The following KIAA1217 variants were observed in gnomAD, a reference collection of about 807,000 sequenced individuals.
KIAA1217 encodes the protein KIAA1217, also known as sickle tail protein homolog.
Under a neutral mutation model 163.9 loss-of-function variants are expected in KIAA1217, and 88 were observed. The ratio of observed to expected loss-of-function variants is 0.54; its 90% CI spans 0.45 to 0.64. The LOEUF (loss-of-function observed/expected upper bound fraction) is 0.64, where lower values mean the gene tolerates loss of function less well. Among genes scored for constraint, KIAA1217 ranks in the 30% least tolerant of loss-of-function variants. The pLI, the probability that KIAA1217 is intolerant of heterozygous loss-of-function variation, is 0.00. For missense variants in KIAA1217, 2,372 were observed against 2,475.0 expected (o/e 0.96, Z 0.88); for synonymous variants, 903 against 923.1 (o/e 0.98, Z 0.39).
chr10:23,748,934 C>A (rs1483824314), intron 1 of KIAA1217, among the ~76,000 whole-genome samples: 2 of 152,168 alleles, frequency 1.3e-5, no homozygotes, highest in African/African-American at 4.8e-5. Context: ...TTTTTGGTCT[C>A]TTGACTTCCT....
At chr10:24,491,772 A>G (rs2066180419) in intron 6 of KIAA1217, among the ~76,000 whole-genome samples, 1 of 152,162 alleles carries the variant, frequency 6.6e-6, no homozygotes, top group Non-Finnish European at 1.5e-5. Flanking sequence ...TAGTCTCTAC[A>G]TAAATGAGAC....
chr10:24,506,879 G>A (rs999013027), intron 9 of KIAA1217, among the ~76,000 whole-genome samples: 3 of 152,184 alleles, frequency 2.0e-5, no homozygotes, highest in African/African-American at 7.2e-5. Flanking sequence ...TGCAGAGAAA[G>A]AAGTACATCA....
At position 23,852,561 on chromosome 10, in the gene KIAA1217, G is replaced by GGT. The variant is rs1451381301; in HGVS notation, c.-320-154663_-320-154662dup. Among the ~76,000 whole-genome samples the GGT allele has an allele frequency of 7.2e-5, 11 of 152,168 alleles. 1 individual carries two copies. Among genetic ancestry groups the GGT allele is most frequent in the Admixed American group, 7.2e-4 (11 of 15,270 alleles). On this transcript the variant is annotated intron_variant, in intron 1 of 18. Coordinates refer to the KIAA1217 transcript ENST00000376462. The stretch of plus-strand genomic sequence containing the variant: ...TTCCAATTCTGTGAAGAAAGCCATT[G>GGT]GTAGCTTGATGGGGATGCCATTGAA...
intron 2 of KIAA1217, among the ~76,000 whole-genome samples, chr10:24,259,269 C>A (rs1198998238): frequency 1.3e-5 from 2 of 152,052 alleles, no homozygotes; most frequent in Non-Finnish European, 2.9e-5. Flanking sequence ...CTAACTGAAA[C>A]CATGTTTGCC....
At chr10:24,437,158 G>A (rs934967458) in intron 4 of KIAA1217, among the ~76,000 whole-genome samples, 2 of 151,898 alleles carry the variant, frequency 1.3e-5, no homozygotes, top group African/African-American at 2.4e-5. Flanking sequence ...TCACGTCCTC[G>A]CCTGTGACTC....
chr10:24,339,126 C>A lies in KIAA1217; in HGVS notation c.355-41743C>A, dbSNP rs561545200. 5.3e-5 allele frequency among the ~76,000 whole-genome samples: 8 copies of A among 152,294 alleles called. No individual in the cohort carries two copies. In the South Asian group the frequency reaches 1.7e-3, roughly 32 times the overall value. On this transcript the variant is annotated intron_variant, in intron 2 of 20. Transcript: ENST00000376454. ...GATAGGTTTCTGGTATACATAGTAGCTCCCCCAAAAATGATCTCCCCCGTT... is the reference window on the plus strand; with the variant it reads ...GATAGGTTTCTGGTATACATAGTAGATCCCCCAAAAATGATCTCCCCCGTT...
intron 1 of KIAA1217, among the ~76,000 whole-genome samples, chr10:23,777,846 G>T (rs906280860): frequency 6.6e-6 from 1 of 152,200 alleles, no homozygotes; most frequent in African/African-American, 2.4e-5. Flanking sequence ...TGTCATCCTT[G>T]TAGGGGTGGA....
intron 2 of KIAA1217, among the ~76,000 whole-genome samples, chr10:24,289,545 T>G (rs1233310680): frequency 1.3e-5 from 2 of 151,942 alleles, no homozygotes; most frequent in South Asian, 2.1e-4. Flanking sequence ...GAGGAGGAAG[T>G]TGTAGAAGGT....
intron 2 of KIAA1217, among the ~76,000 whole-genome samples, chr10:24,030,463 G>A (rs1848145994): frequency 1.3e-5 from 2 of 152,096 alleles, no homozygotes; most frequent in African/African-American, 4.8e-5. Context: ...CTTCCACCAT[G>A]ACTGTAAGTT....
intron 3 of KIAA1217, among the ~76,000 whole-genome samples, chr10:24,423,529 G>A (rs187775183): frequency 8.2e-4 from 125 of 152,146 alleles, no homozygotes; most frequent in African/African-American, 2.4e-3. Context: ...GCACCATCTC[G>A]GCTCACTGCA....
At chr10:24,059,691 C>T (rs1418294679) in intron 2 of KIAA1217, among the ~76,000 whole-genome samples, 1 of 152,098 alleles carries the variant, frequency 6.6e-6, no homozygotes, top group Non-Finnish European at 1.5e-5. Context: ...CATTGTCTTG[C>T]CTCAGCCTCC....
intron 2 of KIAA1217, among the ~76,000 whole-genome samples, chr10:24,321,118 GA>G (rs1245765568): frequency 6.6e-6 from 1 of 151,890 alleles, no homozygotes; most frequent in Admixed American, 6.6e-5. Flanking sequence ...CGGTTCCTCA[GA>G]AAAAAATAAA....
chr10:23,858,530 A>G (rs1380418916), intron 1 of KIAA1217, among the ~76,000 whole-genome samples: 2 of 152,106 alleles, frequency 1.3e-5, no homozygotes, highest in African/African-American at 4.8e-5. Flanking sequence ...ACACATGTCT[A>G]TAGCAGATAT....
At chr10:24,063,802 C>A (rs1239263191) in intron 2 of KIAA1217, among the ~76,000 whole-genome samples, 1 of 152,042 alleles carries the variant, frequency 6.6e-6, no homozygotes, top group Non-Finnish European at 1.5e-5. Flanking sequence ...TGGTTTGTAT[C>A]CTCTTTTATT....
At chr10:24,485,921 A>C (rs2065336316) in intron 6 of KIAA1217, among the ~76,000 whole-genome samples, 1 of 152,196 alleles carries the variant, frequency 6.6e-6, no homozygotes, top group South Asian at 2.1e-4. Context: ...GCCCAAAAAT[A>C]AAGTCCTATC....
chr10:23,778,178 A>AT (rs889223688), intron 1 of KIAA1217, among the ~76,000 whole-genome samples: 6 of 151,806 alleles, frequency 4.0e-5, no homozygotes, highest in Admixed American at 3.3e-4. Flanking sequence ...TGACCTCGTG[A>AT]TTCCCCCCCC....
rs1243328284 is a variant in KIAA1217 at position 24,501,679 on chromosome 10, A to T, written c.2001+134A>T. 6.6e-6 allele frequency: 4 copies of T among 607,906 alleles called. No homozygotes were observed. The African/African-American group carries it at 7.6e-5, about 12-fold the overall frequency. The allele number at this position is 607,906 out of a possible 1,614,324, so 37.7% of individuals were successfully genotyped here. A position where few individuals can be genotyped will look rare whatever the true frequency, so the allele number is the denominator to read the frequency against. ...CATGGCTTCCTCTCTCACACACACA[A>T]TCCAAGTCTAGAGCCTTCCACTGCA... is the stretch of plus-strand genomic sequence containing the variant. On this transcript the variant is annotated intron_variant, in intron 9 of 20. Transcript: ENST00000376454.
intron 1 of KIAA1217, among the ~76,000 whole-genome samples, chr10:23,704,318 C>A (rs4638203): frequency 6.7e-6 from 1 of 148,178 alleles, no homozygotes; most frequent in Non-Finnish European, 1.5e-5. Context: ...TTATAGTGTA[C>A]AATTCATCCA....
intron 1 of KIAA1217, among the ~76,000 whole-genome samples, chr10:23,951,506 A>G (rs903838108): frequency 1.3e-5 from 2 of 152,176 alleles, no homozygotes; most frequent in African/African-American, 2.4e-5. Flanking sequence ...TACAAAAATT[A>G]TGCCAGCATG....
Sources: allele counts gnomAD v4.1 joint callset (sites outside exome capture counted in the v4.1 genomes callset), GRCh38; gene constraint gnomAD v4.1.1; transcripts MANE v1.5; gene names NCBI Gene and HGNC (gene_info 2026-07-23, HGNC 2026-07-21).